Variants in NNMT observed in about 807,000 individuals in gnomAD.
NNMT encodes nicotinamide N-methyltransferase.
NNMT carries 10 observed loss-of-function variants against 11.7 expected under a neutral mutation model. The observed-to-expected ratio is 0.85, with a 90% CI of 0.53 to 1.45. The LOEUF is 1.45. NNMT is among the 40% of genes most tolerant of loss of function. The pLI is 0.00. For synonymous variants in NNMT, 143 were observed against 133.8 expected (o/e 1.07, Z -0.48); for missense variants, 381 against 319.4 (o/e 1.19, Z -1.47).
intron 1 of NNMT, among the ~76,000 whole-genome samples, chr11:114,261,585 A>AAAACAAAC (rs111300493): frequency 3.1e-4 from 47 of 151,694 alleles, no homozygotes; most frequent in African/African-American, 8.5e-4. Flanking sequence ...ACTCCATCTC[A>AAAACAAAC]AAACAAACAA....
At position 114,302,033 on chromosome 11, in the gene NNMT, A is replaced by G. The variant is rs1357677503; in HGVS notation, c.362+3875A>G. Reference sequence around the variant, plus strand: ...CTGCAGTTACATATAACTAATATACATGATATATCTACATATCTTTTTCTA... The same window carrying G: ...CTGCAGTTACATATAACTAATATACGTGATATATCTACATATCTTTTTCTA... On this transcript the variant is annotated intron_variant, in intron 2 of 2. Coordinates refer to ENST00000299964, the MANE Select transcript of NNMT (RefSeq NM_006169.3). Among the ~76,000 whole-genome samples, 30 of 152,158 alleles carry G rather than the reference A, an allele frequency of 2.0e-4. 1 individual carries two copies. The highest frequency in any genetic ancestry group is 3.4e-3 in the Middle Eastern group (1 of 294).
chr11:114,312,233 G>T lies in NNMT; in HGVS notation c.551G>T (p.Gly184Val). 6.2e-7 allele frequency: 1 copy of T among 1,614,212 alleles called. No homozygotes were observed. The highest frequency in any genetic ancestry group is 1.7e-5 in the Admixed American group (1 of 60,030). Residue 184 changes from glycine to valine, a missense_variant, in exon 3 of 3, where the codon GGC (glycine) becomes GTC (valine). Gly to Val is a moderately radical substitution (Grantham distance 109, BLOSUM62 -3). Coordinates refer to ENST00000299964, the MANE Select transcript of NNMT (RefSeq NM_006169.3). ...TACTGCAGGGCGCTCAGGAACCTCG[G>T]CAGCCTACTGAAGCCAGGGGGCTTC... Reference protein sequence around the residue: ...PTYCRALRNLGSLLKPGGFLV... With the variant: ...PTYCRALRNLVSLLKPGGFLV...
At chr11:114,274,958 G>A (rs920670800) in intron 2 of NNMT, among the ~76,000 whole-genome samples, 2 of 152,100 alleles carry the variant, frequency 1.3e-5, no homozygotes, top group African/African-American at 4.8e-5. Context: ...ATTGGAGTTG[G>A]GAATGGAATT....
upstream of NNMT, among the ~76,000 whole-genome samples, chr11:114,295,034 G>T (rs886326823): frequency 5.6e-4 from 86 of 152,334 alleles, no homozygotes; most frequent in African/African-American, 2.0e-3. Flanking sequence ...ATTAGGCAAA[G>T]CACAGGAATT....
chr11:114,263,719 G>A (rs1051390165), intron 2 of NNMT, among the ~76,000 whole-genome samples: 4 of 152,158 alleles, frequency 2.6e-5, no homozygotes, highest in Non-Finnish European at 5.9e-5. Context: ...CAAAAGTGAA[G>A]TGCTAGCCTT....
intron 2 of NNMT, among the ~76,000 whole-genome samples, chr11:114,309,883 T>C (rs1001423720): frequency 5.9e-5 from 9 of 152,226 alleles, no homozygotes; most frequent in African/African-American, 2.2e-4. Context: ...ATACAATATG[T>C]GGCCTTTTGG....
rs530835632 is a variant in NNMT, at chr11:114,310,416, A to G, written c.363-1629A>G. Among the ~76,000 whole-genome samples the G allele has an allele frequency of 2.0e-5, 3 of 152,378 alleles. No homozygotes were observed. In the South Asian group the frequency reaches 6.2e-4, roughly 32 times the overall value. Reference sequence around the variant, plus strand: ...GCTCCTTAAATGGAAAATTATAGGAAGCATAAAGCATGTTTGCAAAGAAGT... The same window carrying G: ...GCTCCTTAAATGGAAAATTATAGGAGGCATAAAGCATGTTTGCAAAGAAGT... On this transcript the variant is annotated intron_variant, in intron 2 of 2. Transcript: ENST00000299964.
intron 2 of NNMT, among the ~76,000 whole-genome samples, chr11:114,309,274 C>G (rs1366678922): frequency 6.6e-6 from 1 of 152,056 alleles, no homozygotes. Flanking sequence ...TGTTGTTATT[C>G]TTAAAGTGTT....
chr11:114,309,342 A>G lies in NNMT; in HGVS notation c.363-2703A>G, dbSNP rs139588722. 7.2e-3 allele frequency among the ~76,000 whole-genome samples: 1,098 copies of G among 152,228 alleles called. 10 individuals are homozygous for G. Among genetic ancestry groups the G allele is most frequent in the African/African-American group, 0.023 (952 of 41,518 alleles). On this transcript the variant is annotated intron_variant, in intron 2 of 2. Coordinates refer to ENST00000299964, the MANE Select transcript of NNMT (RefSeq NM_006169.3). ...GTGGTAGCTTTGTAACTAGTTTCCC[A>G]CCTTAGAATGACTGTCTGCTTTGTC... is the stretch of plus-strand genomic sequence containing the variant.
chr11:114,288,532 T>G (rs1378612854), intron 2 of NNMT, among the ~76,000 whole-genome samples: 1 of 152,152 alleles, frequency 6.6e-6, no homozygotes, highest in Non-Finnish European at 1.5e-5. Flanking sequence ...GAATTTTGAA[T>G]GTTAAATCAC....
Position 114,307,264 on chromosome 11 carries a change from A to C in NNMT, c.363-4781A>C, listed in dbSNP as rs1025457123. Among the ~76,000 whole-genome samples, 3 of 152,130 alleles carry C rather than the reference A, an allele frequency of 2.0e-5. No individual in the cohort carries two copies. The East Asian group carries it at 5.8e-4, about 29-fold the overall frequency. ...AAAACAGAGCTACCATCTGCTCCAG[A>C]TCTGCTTTATTTCTGGTATTCTTAG... On this transcript the variant is annotated intron_variant, in intron 2 of 2. Transcript: ENST00000299964.
chr11:114,309,191 A>C (rs1187492106), intron 2 of NNMT, among the ~76,000 whole-genome samples: 1 of 152,100 alleles, frequency 6.6e-6, no homozygotes, highest in African/African-American at 2.4e-5. Flanking sequence ...AGGTTACTTA[A>C]GTTTTTCTGT....
intron 2 of NNMT, among the ~76,000 whole-genome samples, chr11:114,283,369 G>A (rs541874524): frequency 3.7e-4 from 56 of 152,278 alleles, no homozygotes; most frequent in African/African-American, 1.3e-3. Context: ...ATGTGATAGG[G>A]CTTTAATGCA....
Position 114,296,561 on chromosome 11 carries a change from A to C in NNMT, c.5A>C (p.Glu2Ala). ...GTGGTACAGAAGTGAGACATAATGG[A>C]ATCAGGCTTCACCTCCAAGGACACC... MESGFTSKDTYL... is the reference protein window; with the variant it reads MASGFTSKDTYL... Residue 2 changes from glutamate to alanine, a missense_variant, in exon 1 of 3, where the codon GAA becomes GCA. Physicochemically the swap from Glu to Ala is moderately radical, Grantham distance 107. Coordinates refer to ENST00000299964, the MANE Select transcript of NNMT (RefSeq NM_006169.3). 6.2e-7 allele frequency: 1 copy of C among 1,613,880 alleles called. No individual in the cohort carries two copies. Among genetic ancestry groups the C allele is most frequent in the Non-Finnish European group, 8.5e-7 (1 of 1,179,980 alleles).
intron 2 of NNMT, among the ~76,000 whole-genome samples, chr11:114,266,838 C>T (rs1222070476): frequency 6.6e-6 from 1 of 152,214 alleles, no homozygotes; most frequent in African/African-American, 2.4e-5. Context: ...GCATAAAGGC[C>T]CACACCAGAT....
At chr11:114,291,672 T>C (rs1945336368), upstream of NNMT, among the ~76,000 whole-genome samples, 1 of 152,132 alleles carries the variant, frequency 6.6e-6, no homozygotes, top group Non-Finnish European at 1.5e-5. Flanking sequence ...GCAGCAGCTG[T>C]GCTTTCTCAT....
At chr11:114,305,181 G>A in intron 2 of NNMT, among the ~76,000 whole-genome samples, 1 of 152,184 alleles carries the variant, frequency 6.6e-6, no homozygotes, top group Admixed American at 6.5e-5. Flanking sequence ...AAGAAGCACT[G>A]GTGTCTGGAG....
intron 2 of NNMT, among the ~76,000 whole-genome samples, chr11:114,309,727 A>G (rs1379480856): frequency 1.3e-5 from 2 of 152,212 alleles, no homozygotes; most frequent in African/African-American, 4.8e-5. Flanking sequence ...TCAATTTTAC[A>G]ACATTTTCAT....
At position 114,312,719 on chromosome 11, in the gene NNMT, G is replaced by A; in HGVS notation, c.*242G>A. The A allele has an allele frequency of 2.0e-6, 1 of 495,844 alleles. No individual in the cohort carries two copies. 30.7% of individuals were successfully genotyped at this position (495,844 alleles called of 1,614,324 possible). ...ATTAGTATTCCAGTCTTCATTGCCT[G>A]TGCTTACAAAAGAAGACCTCACTTC... On this transcript the variant is annotated 3_prime_UTR_variant, in exon 3 of 3. Coordinates refer to ENST00000299964, the MANE Select transcript of NNMT (RefSeq NM_006169.3).
Sources: allele counts gnomAD v4.1 joint callset (sites outside exome capture counted in the v4.1 genomes callset), GRCh38; gene constraint gnomAD v4.1.1; transcripts MANE v1.5; gene names NCBI Gene and HGNC (gene_info 2026-07-23, HGNC 2026-07-21).